Variants in PIGO observed in about 807,000 individuals in gnomAD.
PIGO encodes GPI ethanolamine phosphate transferase 3, catalytic subunit.
Under a neutral mutation model 86.9 loss-of-function variants are expected in PIGO, and 66 were observed. The observed-to-expected ratio is 0.76, with a 90% CI of 0.62 to 0.93. The LOEUF (loss-of-function observed/expected upper bound fraction) is 0.93, where lower values mean the gene tolerates loss of function less well. Ranked by LOEUF, PIGO falls within the 40% of genes least tolerant of loss-of-function variation. The pLI is 0.00. For missense variants in PIGO, 1,202 were observed against 1,359.1 expected (o/e 0.88, Z 1.82); for synonymous variants, 570 against 556.4 (o/e 1.02, Z -0.34).
intron 1 of PIGO, 100 bp downstream of exon 1, chr9:35,096,055 T>C (rs1829659565): frequency 6.4e-6 from 1 of 156,164 alleles, no homozygotes; most frequent in African/African-American, 2.4e-5. Flanking sequence ...GGGTAGAGCA[T>C]AGGAACGTTC....
Position 35,096,358 on chromosome 9 carries a change from C to T in PIGO, c.-205G>A, listed in dbSNP as rs946917378. 2 of 152,198 alleles carry T rather than the reference C, an allele frequency of 1.3e-5. No homozygotes were observed. The highest frequency in any genetic ancestry group is 4.8e-5 in the African/African-American group (2 of 41,452). 9.4% of individuals were successfully genotyped at this position (152,198 alleles called of 1,614,324 possible). ...TTCGCCACGCAAGGAGGCTGGGGCC[C>T]GGGTCGAGAGTCGACTGGGCCTCCG... On this transcript the variant is annotated 5_prime_UTR_variant, in exon 1 of 11. Coordinates refer to ENST00000378617, the MANE Select transcript of PIGO (RefSeq NM_032634.4).
chr9:35,093,017 C>A lies in PIGO; in HGVS notation c.1119+13G>T, dbSNP rs768465775. On this transcript the variant is annotated intron_variant, in intron 6 of 10. Transcript: ENST00000378617. The stretch of plus-strand genomic sequence containing the variant: ...CTAGCTCTGTCACCTGGAAACCCAG[C>A]CCGCTTACCTACCTGCTGAGCATTG... 1 of 1,596,798 alleles carries A rather than the reference C, an allele frequency of 6.3e-7. No homozygotes were observed.
In PIGO at chr9:35,091,858, G is replaced by A; in HGVS notation, c.2029C>T (p.Leu677=). 6.2e-7 allele frequency: 1 copy of A among 1,614,140 alleles called. No homozygotes were observed. The highest frequency in any genetic ancestry group is 8.5e-7 in the Non-Finnish European group (1 of 1,180,046). ...NLWYGACVAA[L]VALLAAVRLW... is the part of the protein sequence containing the mutation. ...CGCACGGCAGCTAACAGGGCCACCA[G>A]CGCCGCCACACAAGCTCCATACCAC... The change falls in exon 7 of 11, where the codon CTG becomes TTG. Residue 677 remains leucine (L), a synonymous_variant. Transcript: ENST00000378617.
In PIGO at chr9:35,093,194, G is replaced by T. The variant is rs775992273; in HGVS notation, c.955C>A (p.Pro319Thr). The T allele has an allele frequency of 3.1e-6, 5 of 1,612,674 alleles. No homozygotes were observed. Among genetic ancestry groups the T allele is most frequent in the Non-Finnish European group, 3.4e-6 (4 of 1,178,822 alleles). The change falls in exon 6 of 11, where the codon CCT (proline) becomes ACT (threonine). Residue 319 changes from proline to threonine, a missense_variant. Pro to Thr is a conservative substitution (Grantham distance 38). Coordinates refer to ENST00000378617, the MANE Select transcript of PIGO (RefSeq NM_032634.4). ...STPPEEPEVI[P>T]QVSLVPTLAL... ...AGCGTGGGCACAAGGCTAACTTGAG[G>T]AATCACCTCTGGCTCCTAAAGGAAA...
intron 2 of PIGO, 35 bp from the exon 3 acceptor site, chr9:35,094,394 C>A: frequency 6.3e-7 from 1 of 1,586,130 alleles, no homozygotes; most frequent in African/African-American, 1.4e-5. Context: ...AGAGCCTGAG[C>A]AAACGTCAGG....
intron 7 of PIGO, 129 bp from the exon 8 acceptor site, chr9:35,090,801 A>C: frequency 3.5e-6 from 3 of 849,774 alleles, no homozygotes; most frequent in Non-Finnish European, 5.3e-6. Flanking sequence ...TATCAGCCCA[A>C]CCTCCTTACA....
In PIGO at chr9:35,092,561, A is replaced by C; in HGVS notation, c.1326T>G (p.Ser442=). The part of the protein sequence containing the change: ...LRGARAMCIE[S]WARFSLVRMA... ...TGCGGACCAGAGAGAAACGAGCCCAAGACTCGATGCACATGGCCCGAGCTC... is the reference window on the plus strand; with the variant it reads ...TGCGGACCAGAGAGAAACGAGCCCACGACTCGATGCACATGGCCCGAGCTC... Residue 442 remains serine, a synonymous_variant, in exon 7 of 11, where the codon TCT becomes TCG. Transcript: ENST00000378617. 1 of 1,614,240 alleles carries C rather than the reference A, an allele frequency of 6.2e-7. No homozygotes were observed. The highest frequency in any genetic ancestry group is 8.5e-7 in the Non-Finnish European group (1 of 1,180,030).
At chr9:35,092,883 C>T in intron 6 of PIGO, 116 bp from the exon 7 acceptor site, 3 of 1,376,902 alleles carry the variant, frequency 2.2e-6, no homozygotes, top group South Asian at 1.4e-5. Flanking sequence ...CAAACTCTGT[C>T]CAGAATCGGG....
intron 9 of PIGO, chr9:35,089,747 G>A (rs1250793510): frequency 1.4e-6 from 2 of 1,395,444 alleles, no homozygotes; most frequent in African/African-American, 1.4e-5. Flanking sequence ...AGGAAAGGAA[G>A]AGGATCCATG....
In PIGO at chr9:35,090,912, A is replaced by G. The variant is rs1039117802; in HGVS notation, c.2648-240T>C. ...ATCTCTTTCTTTCTCTCAAACACAT[A>G]CAGCTCAGTGCCATTATATATTCAC... On this transcript the variant is annotated intron_variant, in intron 7 of 10. Coordinates refer to ENST00000378617, the MANE Select transcript of PIGO (RefSeq NM_032634.4). 12 of 581,980 alleles carry G rather than the reference A, an allele frequency of 2.1e-5. No individual in the cohort carries two copies. The East Asian group carries it at 3.5e-4, about 17-fold the overall frequency. The allele number at this position is 581,980 out of a possible 1,614,324, so 36.1% of individuals were successfully genotyped here. A position where few individuals can be genotyped will look rare whatever the true frequency, so the allele number is the denominator to read the frequency against.
chr9:35,089,692 TG>T, intron 9 of PIGO: 1 of 1,416,384 alleles, frequency 7.1e-7, no homozygotes, highest in Non-Finnish European at 9.2e-7. Context: ...ACTCAGGCTG[TG>T]CCCCCAGGAT....
Position 35,090,560 on chromosome 9 carries a change from G to T in PIGO, c.2760C>A (p.Ala920=). 1.9e-6 allele frequency: 3 copies of T among 1,614,240 alleles called. No individual in the cohort carries two copies. Among genetic ancestry groups the T allele is most frequent in the Non-Finnish European group, 1.7e-6 (2 of 1,180,044 alleles). ...PVFPAIHWHA[A]FVGFPEGHGS... Reference sequence around the variant, plus strand: ...CATGACCCTCTGGGAATCCCACGAAGGCTGCATGCCAATGGATGGCTGGAA... The same window carrying T: ...CATGACCCTCTGGGAATCCCACGAATGCTGCATGCCAATGGATGGCTGGAA... Residue 920 remains alanine, a synonymous_variant, in exon 8 of 11, where the codon GCC becomes GCA. Transcript: ENST00000378617.
chr9:35,091,632 G>A lies in PIGO; in HGVS notation c.2255C>T (p.Ala752Val). Residue 752 changes from alanine to valine, a missense_variant, in exon 7 of 11, where the codon GCT (alanine) becomes GTT (valine). Coordinates refer to ENST00000378617, the MANE Select transcript of PIGO (RefSeq NM_032634.4). ...CCAGAGCAGCAGCGCGAGCCCTGAA[G>A]CAGCCAGCCCTGCTACAGCCCGAGG... Reference protein sequence around the residue: ...VLPRAVAGLAASGLALLLWKP... With the variant: ...VLPRAVAGLAVSGLALLLWKP... The A allele has an allele frequency of 6.2e-7, 1 of 1,613,516 alleles. No individual in the cohort carries two copies. Among genetic ancestry groups the A allele is most frequent in the Non-Finnish European group, 8.5e-7 (1 of 1,180,024 alleles).
chr9:35,090,958 G>A (rs1424620139), intron 7 of PIGO: 1 of 561,912 alleles, frequency 1.8e-6, no homozygotes, highest in Non-Finnish European at 3.1e-6. Context: ...TTCCATCACT[G>A]GAAAATCAAG....
chr9:35,090,140 G>A lies in PIGO; in HGVS notation c.2995C>T (p.Arg999Trp), dbSNP rs61746764. The A allele has an allele frequency of 1.7e-5, 28 of 1,614,108 alleles. No homozygotes were observed. The highest frequency in any genetic ancestry group is 1.1e-4 in the East Asian group (5 of 44,900). The change falls in exon 9 of 11, where the codon CGG becomes TGG. Residue 999 changes from arginine (R) to tryptophan (W), a missense_variant. Transcript: ENST00000378617. ...GCATAGAAGTGCTGAGGCGCATCCCGGAGCCGCATCTCCATCAGTGGCTCC... is the reference window on the plus strand; with the variant it reads ...GCATAGAAGTGCTGAGGCGCATCCCAGAGCCGCATCTCCATCAGTGGCTCC... ...EEEPLMEMRL[R>W]DAPQHFYAAL... is the part of the protein sequence containing the mutation.
At position 35,090,676 on chromosome 9, in the gene PIGO, GA is replaced by G; in HGVS notation, c.2648-5del. 6.2e-7 allele frequency: 1 copy of G among 1,613,494 alleles called. No homozygotes were observed. Among genetic ancestry groups the G allele is most frequent in the East Asian group, 2.2e-5 (1 of 44,872 alleles). On this transcript the variant is annotated splice_polypyrimidine_tract_variant and splice_region_variant and intron_variant, in intron 7 of 10. Transcript: ENST00000378617. ...TGCCATGGCACAGTAAAAGGACCTG[GA>G]AGAAAAGATATGCCACGTTACAGTC...
chr9:35,089,015 A>AC lies in PIGO; in HGVS notation c.*76_*77insG, dbSNP rs1829294088. On this transcript the variant is annotated 3_prime_UTR_variant, in exon 11 of 11. Transcript: ENST00000378617. ...TATGGCTGAGCCTGTCTTGCAGATC[A>AC]TCCAGTACCTGTACAGGCCAGGCTA... The AC allele has an allele frequency of 1.3e-6, 2 of 1,585,006 alleles. No individual in the cohort carries two copies. Among genetic ancestry groups the AC allele is most frequent in the African/African-American group, 2.7e-5 (2 of 74,206 alleles).
In PIGO at chr9:35,092,379, G is replaced by C; in HGVS notation, c.1508C>G (p.Thr503Ser). Residue 503 changes from threonine to serine, a missense_variant, in exon 7 of 11, where the codon ACT becomes AGT. Transcript: ENST00000378617. ...GAIAYAGLLG[T>S]IELKLDLVLL... ...CACTAGATCTAGCTTCAGCTCAATAGTTCCCAGGAGTCCAGCATACGCTAT... is the reference window on the plus strand; with the variant it reads ...CACTAGATCTAGCTTCAGCTCAATACTTCCCAGGAGTCCAGCATACGCTAT... 4 of 1,614,226 alleles carry C rather than the reference G, an allele frequency of 2.5e-6. No individual in the cohort carries two copies. Among genetic ancestry groups the C allele is most frequent in the Non-Finnish European group, 3.4e-6 (4 of 1,180,038 alleles).
intron 10 of PIGO, 68 bp downstream of exon 10, chr9:35,089,311 AG>A: frequency 6.2e-7 from 1 of 1,613,554 alleles, no homozygotes; most frequent in Non-Finnish European, 8.5e-7. Flanking sequence ...CTGGATGTTT[AG>A]GATCTTCATA....
Sources: gnomAD v4.1 joint callset for allele counts on GRCh38, gnomAD v4.1.1 for gene constraint, MANE v1.5 for transcripts, NCBI Gene and HGNC (gene_info 2026-07-23, HGNC 2026-07-21) for gene names.